FAM110B: variants seen among roughly 807,000 people sequenced by gnomAD.
FAM110B encodes the protein protein FAM110B.
A neutral mutation model predicts 20.4 loss-of-function variants in FAM110B; 6 were observed. That is an observed-to-expected ratio of 0.29 (90% CI 0.16 to 0.58). FAM110B has a LOEUF of 0.58. FAM110B is among the 20% of genes least tolerant of loss of function. The pLI is 0.90. For synonymous variants in FAM110B, 226 were observed against 214.1 expected, an observed-to-expected ratio of 1.06 and a Z score of -0.49; for missense variants, 434 against 498.2, an observed-to-expected ratio of 0.87 and a Z score of 1.23.
intron 3 of FAM110B, among the ~76,000 whole-genome samples, chr8:58,126,136 T>C (rs1254716656): frequency 6.6e-6 from 1 of 152,258 alleles, no homozygotes; most frequent in Non-Finnish European, 1.5e-5. Flanking sequence ...ATTTTGAGAA[T>C]GTTATATACA....
chr8:58,097,123 A>C (rs530860944), intron 3 of FAM110B, among the ~76,000 whole-genome samples: 1 of 152,180 alleles, frequency 6.6e-6, no homozygotes, highest in South Asian at 2.1e-4. Flanking sequence ...CCTGCATAAT[A>C]CCCCTAAGAG....
intron 2 of FAM110B, among the ~76,000 whole-genome samples, chr8:58,060,778 C>T (rs1235976459): frequency 1.3e-5 from 2 of 152,136 alleles, no homozygotes; most frequent in Non-Finnish European, 2.9e-5. Context: ...CTCAACCTAT[C>T]CCAAGCTGGG....
intron 2 of FAM110B, among the ~76,000 whole-genome samples, chr8:58,067,347 T>C (rs1805792966): frequency 6.6e-6 from 1 of 152,182 alleles, no homozygotes. Context: ...GGTTTCGACT[T>C]GGAAGGTAAT....
In FAM110B at chr8:58,035,337, A is replaced by G. The variant is rs2150574438; in HGVS notation, c.-414+3634A>G. 2.0e-5 allele frequency among the ~76,000 whole-genome samples: 3 copies of G among 152,352 alleles called. No individual in the cohort carries two copies. The Middle Eastern group carries it at 0.01, about 518-fold the overall frequency. On this transcript the variant is annotated intron_variant, in intron 2 of 3. Coordinates refer to ENST00000519262, the MANE Select transcript of FAM110B (RefSeq NM_001377989.1). ...CCCTGTCATCTCATACCTAAATTAA[A>G]TGAGATGTGTTTAACAAACTTTGGC... is the stretch of plus-strand genomic sequence containing the variant.
At chr8:58,075,262 C>CTT (rs67819278) in intron 2 of FAM110B, among the ~76,000 whole-genome samples, 73 of 125,012 alleles carry the variant, frequency 5.8e-4, no homozygotes, top group East Asian at 3.4e-3. Flanking sequence ...CTAATTTTTG[C>CTT]TTTTTTTTTT....
chr8:58,126,430 G>T (rs898687884), intron 3 of FAM110B, among the ~76,000 whole-genome samples: 2 of 152,124 alleles, frequency 1.3e-5, no homozygotes, highest in Non-Finnish European at 2.9e-5. Context: ...CACTTGCTGG[G>T]TTCTATGGTA....
intron 3 of FAM110B, among the ~76,000 whole-genome samples, chr8:58,099,539 T>C (rs993595198): frequency 1.3e-5 from 2 of 152,226 alleles, no homozygotes; most frequent in African/African-American, 4.8e-5. Context: ...CTGAGAAAAG[T>C]AAGCTTATCT....
intron 3 of FAM110B, among the ~76,000 whole-genome samples, chr8:58,129,073 C>T (rs1216403746): frequency 3.9e-5 from 6 of 152,272 alleles, no homozygotes; most frequent in African/African-American, 1.4e-4. Context: ...TAAAAGACTC[C>T]GTCTATCTTT....
rs142168016 is a variant in FAM110B at position 58,011,096 on chromosome 8, G to C, written c.-512+16290G>C. ...CAGGTGTTTTGAACTCTAGCTAAGA[G>C]TTAGGAATCTACTGAGCTCTTTACA... On this transcript the variant is annotated intron_variant, in intron 1 of 3. Coordinates refer to ENST00000519262, the MANE Select transcript of FAM110B (RefSeq NM_001377989.1). Among the ~76,000 whole-genome samples, 605 of 152,308 alleles carry C rather than the reference G, an allele frequency of 4.0e-3. 9 individuals carry two copies. Among genetic ancestry groups the C allele is most frequent in the African/African-American group, 0.013 (553 of 41,554 alleles).
At chr8:58,006,925 T>TATATATATATATATATATATG (rs1563494782) in intron 1 of FAM110B, among the ~76,000 whole-genome samples, 2 of 55,808 alleles carry the variant, frequency 3.6e-5, no homozygotes, top group African/African-American at 1.1e-4. Context: ...ATATATATAT[T>TATATATATATATATATATATG]TTTCCAAAAC....
In FAM110B at chr8:58,016,478, A is replaced by G. The variant is rs73681729; in HGVS notation, c.-511-15128A>G. Among the ~76,000 whole-genome samples the G allele has an allele frequency of 5.3e-5, 8 of 152,260 alleles. No homozygotes were observed. The East Asian group carries it at 1.4e-3, about 26-fold the overall frequency. On this transcript the variant is annotated intron_variant, in intron 1 of 3. Coordinates refer to ENST00000519262, the MANE Select transcript of FAM110B (RefSeq NM_001377989.1). ...GGCTAAGCTCTGGCTCAGCTCTTTG[A>G]CTGGAGAGTTGATGCTACCTGCTGG... is the stretch of plus-strand genomic sequence containing the variant.
intron 2 of FAM110B, among the ~76,000 whole-genome samples, chr8:58,069,480 T>C (rs751406359): frequency 1.4e-4 from 21 of 152,228 alleles, no homozygotes; most frequent in Non-Finnish European, 2.5e-4. Flanking sequence ...CACCCACGTA[T>C]GTATCACAGG....
intron 1 of FAM110B, among the ~76,000 whole-genome samples, chr8:58,002,790 T>A (rs926247921): frequency 2.0e-5 from 3 of 152,218 alleles, no homozygotes; most frequent in Non-Finnish European, 4.4e-5. Context: ...ATGCTGATGA[T>A]CATCTGAGCC....
At chr8:58,064,514 T>C (rs1805723099) in intron 2 of FAM110B, among the ~76,000 whole-genome samples, 1 of 152,206 alleles carries the variant, frequency 6.6e-6, no homozygotes, top group African/African-American at 2.4e-5. Flanking sequence ...AGTTTTCATC[T>C]GGGTTGTGCT....
chr8:58,125,608 C>T (rs1807479528), intron 3 of FAM110B, among the ~76,000 whole-genome samples: 1 of 152,128 alleles, frequency 6.6e-6, no homozygotes, highest in African/African-American at 2.4e-5. Flanking sequence ...GAGATAGTCT[C>T]ATTTTTCTGA....
intron 3 of FAM110B, among the ~76,000 whole-genome samples, chr8:58,131,408 G>A (rs1245913049): frequency 1.3e-5 from 2 of 152,080 alleles, no homozygotes; most frequent in Non-Finnish European, 2.9e-5. Flanking sequence ...CCAGGCATGA[G>A]CCACTGCTCC....
chr8:58,011,142 GA>G (rs1804525105), intron 1 of FAM110B, among the ~76,000 whole-genome samples: 1 of 152,166 alleles, frequency 6.6e-6, no homozygotes, highest in Admixed American at 6.5e-5. Context: ...TTTGTTTTCT[GA>G]TTTGAGAGAC....
chr8:58,091,711 A>T (rs1161237744), intron 3 of FAM110B: 1 of 152,164 alleles, frequency 6.6e-6, no homozygotes, highest in Non-Finnish European at 1.5e-5. Context: ...TAAAAATACG[A>T]TCCTACTGAA....
intron 3 of FAM110B, among the ~76,000 whole-genome samples, chr8:58,099,359 A>G (rs1806719970): frequency 6.6e-6 from 1 of 152,186 alleles, no homozygotes; most frequent in Non-Finnish European, 1.5e-5. Context: ...AAATTTAAAA[A>G]AAAAAATCAA....
Sources: allele counts gnomAD v4.1 joint callset (sites outside exome capture counted in the v4.1 genomes callset), GRCh38; gene constraint gnomAD v4.1.1; transcripts MANE v1.5; gene names NCBI Gene and HGNC (gene_info 2026-07-23, HGNC 2026-07-21).